NCALD: variants seen among roughly 807,000 people sequenced by gnomAD.
NCALD encodes the protein neurocalcin delta.
In NCALD, 10 loss-of-function variants were observed where a neutral mutation model predicts 18.6. That is an observed-to-expected ratio of 0.54 (90% CI 0.33 to 0.91). The LOEUF is 0.91. Among genes scored for constraint, NCALD ranks in the 40% least tolerant of loss-of-function variants. The probability of loss-of-function intolerance (pLI) is 0.03; values close to 1 mark genes in which losing one functional copy is unlikely to be tolerated. For synonymous variants in NCALD, 88 were observed against 87.4 expected (o/e 1.01, Z -0.04); for missense variants, 184 against 247.6 (o/e 0.74, Z 1.72).
chr8:101,708,104 C>T (rs920645489), intron 2 of NCALD, among the ~76,000 whole-genome samples: 1 of 152,156 alleles, frequency 6.6e-6, no homozygotes, highest in Non-Finnish European at 1.5e-5. Flanking sequence ...CAAACCCAGA[C>T]AGACTGTCCC....
chr8:101,850,721 T>C (rs1815059751), intron 4 of NCALD, among the ~76,000 whole-genome samples: 1 of 152,168 alleles, frequency 6.6e-6, no homozygotes, highest in South Asian at 2.1e-4. Context: ...TCAATTACAG[T>C]ATATATGAAG....
intron 1 of NCALD, among the ~76,000 whole-genome samples, chr8:102,089,350 C>A (rs552651747): frequency 1.3e-5 from 2 of 150,810 alleles, no homozygotes; most frequent in East Asian, 3.9e-4. Flanking sequence ...GCTGAGATCA[C>A]GCCACTGCAC....
chr8:101,965,099 A>G (rs1305030741), intron 2 of NCALD, among the ~76,000 whole-genome samples: 1 of 152,246 alleles, frequency 6.6e-6, no homozygotes, highest in Non-Finnish European at 1.5e-5. Context: ...GCAATCATTA[A>G]AAAGTCAATA....
At chr8:102,110,395 C>G (rs1389891613) in intron 1 of NCALD, among the ~76,000 whole-genome samples, 1 of 152,136 alleles carries the variant, frequency 6.6e-6, no homozygotes, top group Non-Finnish European at 1.5e-5. Flanking sequence ...TTTTGGATTG[C>G]TTAGGACAGT....
chr8:101,978,519 G>A (rs554591166), intron 2 of NCALD, among the ~76,000 whole-genome samples: 1 of 152,226 alleles, frequency 6.6e-6, no homozygotes, highest in Admixed American at 6.5e-5. Context: ...AGTTACCTGG[G>A]TAATAAATGG....
intron 4 of NCALD, among the ~76,000 whole-genome samples, chr8:101,839,088 A>G (rs1814532436): frequency 6.6e-6 from 1 of 152,188 alleles, no homozygotes; most frequent in Admixed American, 6.5e-5. Context: ...GTCAGAACCC[A>G]CCTGGGTACT....
intron 1 of NCALD, chr8:101,786,198 C>T (rs145107246): frequency 8.4e-4 from 128 of 152,194 alleles, no homozygotes; most frequent in African/African-American, 2.8e-3. Context: ...ATGCCTGACA[C>T]GTAGTATGTG....
chr8:101,874,728 A>G (rs571099316), intron 4 of NCALD, among the ~76,000 whole-genome samples: 4 of 152,072 alleles, frequency 2.6e-5, no homozygotes, highest in Admixed American at 2.0e-4. Flanking sequence ...AGGTCTTACT[A>G]TGTTGCCCAG....
At chr8:101,945,606 C>G (rs554149908) in intron 2 of NCALD, among the ~76,000 whole-genome samples, 1 of 152,212 alleles carries the variant, frequency 6.6e-6, no homozygotes, top group East Asian at 1.9e-4. Context: ...ATGAGATAAG[C>G]TGTTTAGGTA....
At chr8:101,992,734 G>A (rs1364535591) in intron 2 of NCALD, among the ~76,000 whole-genome samples, 1 of 152,100 alleles carries the variant, frequency 6.6e-6, no homozygotes. Flanking sequence ...TCACATCGTT[G>A]TCCATGTGAA....
At chr8:101,918,043 C>T (rs530183124) in intron 2 of NCALD, among the ~76,000 whole-genome samples, 1 of 151,812 alleles carries the variant, frequency 6.6e-6, no homozygotes, top group South Asian at 2.1e-4. Flanking sequence ...AGAAAACTAC[C>T]GGCTAATATC....
intron 1 of NCALD, among the ~76,000 whole-genome samples, chr8:102,041,355 T>C (rs1451157341): frequency 6.6e-6 from 1 of 152,180 alleles, no homozygotes; most frequent in Non-Finnish European, 1.5e-5. Flanking sequence ...GGCATGTTGG[T>C]TTATTTGAGA....
At chr8:101,776,002 G>A (rs1302149782) in intron 1 of NCALD, among the ~76,000 whole-genome samples, 1 of 152,174 alleles carries the variant, frequency 6.6e-6, no homozygotes, top group South Asian at 2.1e-4. Context: ...AGTTGGGGAT[G>A]TGATGGGTAC....
intron 1 of NCALD, among the ~76,000 whole-genome samples, chr8:102,037,439 G>A (rs1822907646): frequency 6.9e-6 from 1 of 145,370 alleles, no homozygotes; most frequent in Admixed American, 6.7e-5. Context: ...CCTGTAAAAT[G>A]TTTTTAAATG....
chr8:101,944,051 C>T (rs1410797385), intron 2 of NCALD, among the ~76,000 whole-genome samples: 1 of 152,196 alleles, frequency 6.6e-6, no homozygotes, highest in African/African-American at 2.4e-5. Flanking sequence ...TAGTCCCTTC[C>T]AGCAGCCTAG....
intron 4 of NCALD, among the ~76,000 whole-genome samples, chr8:101,871,250 C>A (rs892124532): frequency 6.6e-6 from 1 of 152,088 alleles, no homozygotes; most frequent in East Asian, 1.9e-4. Context: ...AGTTCCTGCC[C>A]CCTTTTGGAG....
intron 2 of NCALD, among the ~76,000 whole-genome samples, chr8:101,705,972 G>T (rs1815501004): frequency 6.6e-6 from 1 of 152,210 alleles, no homozygotes; most frequent in Admixed American, 6.5e-5. Flanking sequence ...CTGGGGAAAA[G>T]TTATAATAAT....
chr8:101,895,834 A>G (rs562261367), intron 3 of NCALD, among the ~76,000 whole-genome samples: 1 of 146,798 alleles, frequency 6.8e-6, no homozygotes, highest in South Asian at 2.1e-4. Context: ...TTCAAGGCGA[A>G]CTACAAACCA....
intron 2 of NCALD, among the ~76,000 whole-genome samples, chr8:101,922,496 C>G (rs1232747211): frequency 2.0e-5 from 3 of 152,198 alleles, no homozygotes; most frequent in Non-Finnish European, 2.9e-5. Context: ...ATTGAAAGAG[C>G]AGGAACATGT....
Sources: allele counts gnomAD v4.1 joint callset (sites outside exome capture counted in the v4.1 genomes callset), GRCh38; gene constraint gnomAD v4.1.1; transcripts MANE v1.5; gene names NCBI Gene and HGNC (gene_info 2026-07-23, HGNC 2026-07-21).